CADM2: variants seen among roughly 807,000 people sequenced by gnomAD.
CADM2 encodes cell adhesion molecule 2.
In CADM2, 12 loss-of-function variants were observed where a neutral mutation model predicts 49.8. The ratio of observed to expected loss-of-function variants is 0.24; its 90% CI spans 0.15 to 0.39. The LOEUF is 0.39. Among genes scored for constraint, CADM2 ranks in the 10% least tolerant of loss-of-function variants. The pLI is 1.00. For missense variants in CADM2, 378 were observed against 492.3 expected, an observed-to-expected ratio of 0.77 and a Z score of 2.20; for synonymous variants, 214 against 175.4, an observed-to-expected ratio of 1.22 and a Z score of -1.74.
intron 1 of CADM2, among the ~76,000 whole-genome samples, chr3:85,547,864 G>A (rs62253965): frequency 0.51 from 77,640 of 151,532 alleles, 22,849 homozygotes; most frequent in East Asian, 0.85. Flanking sequence ...CTACACAGTC[G>A]CAGAGATGGC....
intron 1 of CADM2, among the ~76,000 whole-genome samples, chr3:85,281,023 T>A (rs1279102441): frequency 6.6e-6 from 1 of 151,912 alleles, no homozygotes; most frequent in African/African-American, 2.4e-5. Flanking sequence ...AAAGCGATCT[T>A]AAATAATCTC....
intron 1 of CADM2, among the ~76,000 whole-genome samples, chr3:85,582,357 A>G (rs2062823485): frequency 1.3e-5 from 2 of 152,210 alleles, no homozygotes; most frequent in African/African-American, 4.8e-5. Flanking sequence ...ATGGAATCCA[A>G]AAATTGTTCT....
At chr3:85,228,173 C>A (rs1328018941) in intron 1 of CADM2, among the ~76,000 whole-genome samples, 2 of 152,034 alleles carry the variant, frequency 1.3e-5, no homozygotes, top group African/African-American at 4.8e-5. Context: ...GTTGGCCTGC[C>A]TTGCTAGGTT....
rs368161046 is a variant in CADM2 at position 85,390,186 on chromosome 3, TA to T, written c.62-336329del. ...GACCTCATGCTAGATTCTGAGGATTTAAAAAAATAAGTTAAAACATAGTTCT... is the reference window on the plus strand; with the variant it reads ...GACCTCATGCTAGATTCTGAGGATTTAAAAAATAAGTTAAAACATAGTTCT... On this transcript the variant is annotated intron_variant, in intron 1 of 9. Coordinates refer to ENST00000383699, the MANE Select transcript of CADM2 (RefSeq NM_001167675.2). 7.3e-3 allele frequency among the ~76,000 whole-genome samples: 1,112 copies of T among 152,174 alleles called. 9 individuals are homozygous for T. Among genetic ancestry groups the T allele is most frequent in the African/African-American group, 0.023 (967 of 41,540 alleles).
intron 6 of CADM2, among the ~76,000 whole-genome samples, chr3:85,924,386 T>A (rs1293686315): frequency 6.6e-6 from 1 of 151,952 alleles, no homozygotes; most frequent in African/African-American, 2.4e-5. Flanking sequence ...GCTCAGGAGT[T>A]TGAAACCAGC....
At chr3:85,940,914 C>A (rs1441857781) in intron 7 of CADM2, among the ~76,000 whole-genome samples, 7 of 150,704 alleles carry the variant, frequency 4.6e-5, no homozygotes, top group Non-Finnish European at 7.4e-5. Context: ...ACAAAGATTT[C>A]TCCTATACCC....
At chr3:85,789,106 G>T (rs941831551) in intron 2 of CADM2, among the ~76,000 whole-genome samples, 52 of 152,076 alleles carry the variant, frequency 3.4e-4, no homozygotes, top group Middle Eastern at 6.8e-3. Context: ...CCAGTCAATT[G>T]CCTCCAGAAA....
chr3:86,003,070 T>C (rs776683404), intron 8 of CADM2, among the ~76,000 whole-genome samples: 3 of 152,194 alleles, frequency 2.0e-5, no homozygotes, highest in Non-Finnish European at 4.4e-5. Flanking sequence ...TGAACAACTA[T>C]AGAAAACAGA....
chr3:85,650,520 A>C lies in CADM2; in HGVS notation c.62-76002A>C, dbSNP rs534395112. ...TTTAAGTGATCAGAAAAAAAAAAAA[A>C]CCTCCAAAGAGAAATGCCAAAATGC... On this transcript the variant is annotated intron_variant, in intron 1 of 9. Transcript: ENST00000383699. Among the ~76,000 whole-genome samples, 368 of 150,750 alleles carry C rather than the reference A, an allele frequency of 2.4e-3. 1 individual carries two copies. The highest frequency in any genetic ancestry group is 4.0e-3 in the Non-Finnish European group (273 of 67,678).
intron 5 of CADM2, among the ~76,000 whole-genome samples, chr3:85,895,495 T>A (rs1715103675): frequency 2.0e-5 from 3 of 152,232 alleles, no homozygotes; most frequent in Admixed American, 1.3e-4. Flanking sequence ...TAGCCTTGTC[T>A]CAGATGAGAC....
At chr3:85,067,661 G>A (rs1458557920) in intron 1 of CADM2, among the ~76,000 whole-genome samples, 1 of 152,068 alleles carries the variant, frequency 6.6e-6, no homozygotes, top group Admixed American at 6.6e-5. Flanking sequence ...CCTGAAGCAT[G>A]TCGATGGATT....
intron 1 of CADM2, among the ~76,000 whole-genome samples, chr3:85,718,552 T>G (rs1040092980): frequency 3.9e-5 from 6 of 152,174 alleles, no homozygotes; most frequent in South Asian, 2.1e-4. Context: ...AAAAAGAGAT[T>G]TAAAAATTGG....
chr3:84,971,868 A>G (rs2031468257), intron 1 of CADM2, among the ~76,000 whole-genome samples: 1 of 152,048 alleles, frequency 6.6e-6, no homozygotes, highest in African/African-American at 2.4e-5. Flanking sequence ...CCATACCATG[A>G]TGGAGTATAG....
chr3:85,639,781 G>T (rs1234237407), intron 1 of CADM2, among the ~76,000 whole-genome samples: 1 of 152,060 alleles, frequency 6.6e-6, no homozygotes, highest in Non-Finnish European at 1.5e-5. Flanking sequence ...GACTATCAGA[G>T]CCCTGAATCA....
intron 1 of CADM2, among the ~76,000 whole-genome samples, chr3:85,231,686 G>T (rs958849134): frequency 6.6e-6 from 1 of 150,854 alleles, no homozygotes; most frequent in Non-Finnish European, 1.5e-5. Flanking sequence ...GGGGTAGGGG[G>T]AGTATTATTA....
chr3:85,733,696 A>G (rs886302992), intron 2 of CADM2, among the ~76,000 whole-genome samples: 2 of 152,198 alleles, frequency 1.3e-5, no homozygotes, highest in African/African-American at 4.8e-5. Flanking sequence ...AATTTTGTAT[A>G]GCAATTAGAA....
At chr3:85,400,087 G>A (rs926117144) in intron 1 of CADM2, among the ~76,000 whole-genome samples, 11 of 152,212 alleles carry the variant, frequency 7.2e-5, no homozygotes, top group Admixed American at 2.6e-4. Context: ...CTGTGGGCTC[G>A]TCATAGGTAG....
chr3:85,152,825 C>A (rs1298694221), intron 1 of CADM2, among the ~76,000 whole-genome samples: 1 of 151,710 alleles, frequency 6.6e-6, no homozygotes, highest in Admixed American at 6.6e-5. Flanking sequence ...ATTTGCCGGG[C>A]GTGGTGGCGG....
intron 3 of CADM2, among the ~76,000 whole-genome samples, chr3:85,838,647 C>T: frequency 6.6e-6 from 1 of 151,320 alleles, no homozygotes; most frequent in South Asian, 2.1e-4. Context: ...TTTAAAAACC[C>T]CTTAGTGAGT....
Sources: allele counts gnomAD v4.1 joint callset (sites outside exome capture counted in the v4.1 genomes callset), GRCh38; gene constraint gnomAD v4.1.1; transcripts MANE v1.5; gene names NCBI Gene and HGNC (gene_info 2026-07-23, HGNC 2026-07-21).